Variants in PEAK1 observed in about 807,000 individuals in gnomAD.
The protein encoded by PEAK1 is pseudopodium enriched atypical kinase 1.
A neutral mutation model predicts 124.7 loss-of-function variants in PEAK1; 54 were observed. The observed-to-expected ratio is 0.43, with a 90% CI of 0.35 to 0.54. PEAK1 has a LOEUF of 0.54. Among genes scored for constraint, PEAK1 ranks in the 20% least tolerant of loss-of-function variants. The probability of loss-of-function intolerance (pLI) is 0.01; values close to 1 mark genes in which losing one functional copy is unlikely to be tolerated. For synonymous variants in PEAK1, 719 were observed against 760.0 expected, an observed-to-expected ratio of 0.95 and a Z score of 0.89; for missense variants, 2,046 against 2,134.5, an observed-to-expected ratio of 0.96 and a Z score of 0.82.
intron 6 of PEAK1, among the ~76,000 whole-genome samples, chr15:77,214,189 T>A (rs2059034681): frequency 6.6e-6 from 1 of 152,114 alleles, no homozygotes; most frequent in South Asian, 2.1e-4. Context: ...CTATCATGAA[T>A]AATATTATTA....
At chr15:77,390,489 A>C (rs909225488) in intron 1 of PEAK1, among the ~76,000 whole-genome samples, 20 of 152,214 alleles carry the variant, frequency 1.3e-4, no homozygotes, top group African/African-American at 3.6e-4. Context: ...TGCTCAACAC[A>C]CTTCCATGGG....
intron 1 of PEAK1, among the ~76,000 whole-genome samples, chr15:77,390,013 T>C (rs1376123174): frequency 1.3e-5 from 2 of 152,244 alleles, no homozygotes; most frequent in African/African-American, 2.4e-5. Context: ...AAGTGTTTTG[T>C]ATTCATCATT....
chr15:77,133,200 A>T lies in PEAK1; in HGVS notation c.3882T>A (p.His1294Gln). ...CAGCCAGTTTCTTCAAGGCATCTGT[A>T]TGAAGGCTTCGGATTTTACCCACTA... is the stretch of plus-strand genomic sequence containing the variant. ...EEVVGKIRSL[H>Q]TDALKKLAVK... The change falls in exon 9 of 10, where the codon CAT (histidine) becomes CAA (glutamine). Residue 1294 changes from histidine to glutamine, a missense_variant. His to Gln is a conservative substitution (Grantham distance 24). Coordinates refer to ENST00000682557, the MANE Select transcript of PEAK1 (RefSeq NM_001385026.1). This position sits in a 1 kb window ranked among gnomAD's most constrained non-coding sequence, Gnocchi z 4.2. 2 of 1,614,216 alleles carry T rather than the reference A, an allele frequency of 1.2e-6. No homozygotes were observed. The highest frequency in any genetic ancestry group is 1.7e-6 in the Non-Finnish European group (2 of 1,180,034).
intron 5 of PEAK1, among the ~76,000 whole-genome samples, chr15:77,272,768 G>A (rs2062104688): frequency 6.6e-6 from 1 of 150,534 alleles, no homozygotes; most frequent in African/African-American, 2.4e-5. Flanking sequence ...TATGAAGCCG[G>A]TATCACCCTA....
At chr15:77,391,504 A>AG (rs2070454373) in intron 1 of PEAK1, among the ~76,000 whole-genome samples, 2 of 135,306 alleles carry the variant, frequency 1.5e-5, no homozygotes, top group Admixed American at 7.6e-5. Context: ...AAAAAAAAAA[A>AG]AGAGATACCA....
chr15:77,134,603 CAT>C (rs1417433748), intron 8 of PEAK1, among the ~76,000 whole-genome samples: 1 of 152,140 alleles, frequency 6.6e-6, no homozygotes, highest in East Asian at 1.9e-4. Context: ...AGATAAAACA[CAT>C]GTGTGTTTGA....
chr15:77,405,634 C>T (rs16968827), intron 1 of PEAK1, among the ~76,000 whole-genome samples: 2 of 152,078 alleles, frequency 1.3e-5, no homozygotes, highest in South Asian at 4.1e-4. Flanking sequence ...AATCCAGACG[C>T]TGAAGGCCCA....
intron 2 of PEAK1, among the ~76,000 whole-genome samples, chr15:77,332,505 C>G (rs1301386508): frequency 6.6e-6 from 1 of 151,832 alleles, no homozygotes; most frequent in Non-Finnish European, 1.5e-5. Flanking sequence ...GAGGCTGAGG[C>G]AGAAGAATGG....
At position 77,178,961 on chromosome 15, in the gene PEAK1, A is replaced by G; in HGVS notation, c.2966T>C (p.Phe989Ser). The G allele has an allele frequency of 6.2e-7, 1 of 1,614,080 alleles. No individual in the cohort carries two copies. The highest frequency in any genetic ancestry group is 8.5e-7 in the Non-Finnish European group (1 of 1,180,018). Residue 989 changes from phenylalanine (F) to serine (S), a missense_variant, in exon 7 of 10, where the codon TTC becomes TCC. Physicochemically the swap from Phe to Ser is radical, Grantham distance 155. Transcript: ENST00000682557. ...GESSEKPAIVFMYRCDPAQGQ... is the reference protein window; with the variant it reads ...GESSEKPAIVSMYRCDPAQGQ... The stretch of plus-strand genomic sequence containing the variant: ...TTGAGCAGGGTCGCACCTGTACATG[A>G]AGACAATGGCTGGTTTCTCACTGGA...
intron 2 of PEAK1, among the ~76,000 whole-genome samples, chr15:77,341,491 C>CCTGGG (rs2066530654): frequency 6.6e-6 from 1 of 151,188 alleles, no homozygotes; most frequent in Non-Finnish European, 1.5e-5. Context: ...GAGAGTAAGA[C>CCTGGG]TGCATCTCAA....
intron 9 of PEAK1, among the ~76,000 whole-genome samples, chr15:77,124,207 G>T (rs17466989): frequency 0.27 from 41,550 of 152,216 alleles, 6,719 homozygotes; most frequent in Middle Eastern, 0.38. Context: ...TTTTGCTACA[G>T]ATTTTCCAAT....
chr15:77,245,991 CT>C (rs1433775043), intron 6 of PEAK1, among the ~76,000 whole-genome samples: 1 of 150,592 alleles, frequency 6.6e-6, no homozygotes, highest in Non-Finnish European at 1.5e-5. Context: ...CTGTCGACTC[CT>C]ATAAAAAAAT....
chr15:77,346,289 C>T (rs1225991883), intron 2 of PEAK1: 1 of 942,392 alleles, frequency 1.1e-6, no homozygotes, highest in African/African-American at 1.8e-5. Flanking sequence ...ATTCAAATTG[C>T]AGCAGCAGGT....
chr15:77,155,635 A>T (rs2055060158), intron 8 of PEAK1: 1 of 151,982 alleles, frequency 6.6e-6, no homozygotes, highest in Non-Finnish European at 1.5e-5. Context: ...TTGGTCTTTG[A>T]TGATGGTGAC....
chr15:77,262,272 A>C (rs2061480818), intron 5 of PEAK1, among the ~76,000 whole-genome samples: 1 of 152,178 alleles, frequency 6.6e-6, no homozygotes, highest in Admixed American at 6.5e-5. Flanking sequence ...TTAACTTTAA[A>C]TGTAAATGGG....
chr15:77,229,117 G>C (rs1026169527), intron 6 of PEAK1, among the ~76,000 whole-genome samples: 2 of 152,112 alleles, frequency 1.3e-5, no homozygotes, highest in Non-Finnish European at 2.9e-5. Flanking sequence ...AGACTGTGGA[G>C]TACTCAACAG....
At position 77,181,287 on chromosome 15, in the gene PEAK1, TC is replaced by T; in HGVS notation, c.639del (p.Ser214AlafsTer4). The T allele has an allele frequency of 6.2e-7, 1 of 1,614,098 alleles. No homozygotes were observed. Among genetic ancestry groups the T allele is most frequent in the Non-Finnish European group, 8.5e-7 (1 of 1,180,012 alleles). The stretch of plus-strand genomic sequence containing the variant: ...CCTTCATTACTAATCACTTCTGTGC[TC>T]CCACTCAGAATAACATGCTTGCCCT... ...ETQGKHVILS[G>X]STEVISNEGG... On this transcript the variant is annotated frameshift_variant, in exon 7 of 10. Coordinates refer to ENST00000682557, the MANE Select transcript of PEAK1 (RefSeq NM_001385026.1). LOFTEE classifies it high-confidence loss of function.
At chr15:77,384,635 CT>C (rs570022241) in intron 1 of PEAK1, among the ~76,000 whole-genome samples, 201 of 152,246 alleles carry the variant, frequency 1.3e-3, no homozygotes, top group African/African-American at 4.6e-3. Context: ...CAAACCACTG[CT>C]TTCATTTTTA....
At position 77,203,932 on chromosome 15, in the gene PEAK1, A is replaced by T. The variant is rs554489099; in HGVS notation, c.-114-21892T>A. ...TGGTAAGCTGAACCTCATTAAAATT[A>T]AAAACGTCTACTCTGCAAAAGATAC... On this transcript the variant is annotated intron_variant, in intron 6 of 9. Transcript: ENST00000682557. Among the ~76,000 whole-genome samples, 12 of 152,198 alleles carry T rather than the reference A, an allele frequency of 7.9e-5. No homozygotes were observed. The South Asian group carries it at 2.5e-3, about 32-fold the overall frequency.
Sources: allele counts gnomAD v4.1 joint callset (sites outside exome capture counted in the v4.1 genomes callset), GRCh38; gene constraint gnomAD v4.1.1; non-coding constraint Gnocchi (gnomAD v3.1); transcripts MANE v1.5; gene names NCBI Gene and HGNC (gene_info 2026-07-23, HGNC 2026-07-21).